HS3ST1: variants seen among roughly 807,000 people sequenced by gnomAD.
The protein encoded by HS3ST1 is heparan sulfate-glucosamine 3-sulfotransferase 1, also known as heparan sulfate glucosamine 3-O-sulfotransferase 1.
A neutral mutation model predicts 20.7 loss-of-function variants in HS3ST1; 8 were observed. The ratio of observed to expected loss-of-function variants is 0.39; its 90% CI spans 0.23 to 0.70. The LOEUF (loss-of-function observed/expected upper bound fraction) is 0.70. Ranked by LOEUF, HS3ST1 falls within the 30% of genes least tolerant of loss-of-function variation. The pLI is 0.46. For synonymous variants in HS3ST1, 205 were observed against 190.4 expected (o/e 1.08, Z -0.63); for missense variants, 436 against 423.4 (o/e 1.03, Z -0.26).
At chr4:11,425,646 T>G (rs950633327) in intron 1 of HS3ST1, among the ~76,000 whole-genome samples, 1 of 152,226 alleles carries the variant, frequency 6.6e-6, no homozygotes, top group Non-Finnish European at 1.5e-5. Flanking sequence ...AAAATGAACA[T>G]TAAAATAGAT....
At chr4:11,426,492 G>A (rs1238169806) in intron 1 of HS3ST1, among the ~76,000 whole-genome samples, 1 of 152,168 alleles carries the variant, frequency 6.6e-6, no homozygotes, top group Middle Eastern at 3.4e-3. Context: ...CATAACCACA[G>A]GAAAGTAAAG....
chr4:11,431,467 T>C (rs765338355), upstream of HS3ST1, among the ~76,000 whole-genome samples: 3 of 152,204 alleles, frequency 2.0e-5, no homozygotes, highest in Non-Finnish European at 2.9e-5. Context: ...ACTGCTAATA[T>C]TTTAAGATCT....
upstream of HS3ST1, chr4:11,429,817 A>T (rs1719169993): frequency 6.6e-6 from 1 of 151,758 alleles, no homozygotes; most frequent in African/African-American, 2.4e-5. Context: ...TAAGGTTTTG[A>T]GGGGCGTGGG....
At position 11,414,146 on chromosome 4, in the gene HS3ST1, G is replaced by A. The variant is rs775831472; in HGVS notation, c.-108-14033C>T. The A allele has an allele frequency of 3.9e-5, 6 of 152,162 alleles. 1 individual carries two copies. Among genetic ancestry groups the A allele is most frequent in the South Asian group, 2.1e-4 (1 of 4,820 alleles). 9.4% of individuals were successfully genotyped at this position (152,162 alleles called of 1,614,324 possible). On this transcript the variant is annotated intron_variant, in intron 1 of 1. Transcript: ENST00000002596. ...TTCTGCAGTCAGGCACTTGCAGGGCGGTATAGCTGCAGGCAAGAGAGCCTT... is the reference window on the plus strand; with the variant it reads ...TTCTGCAGTCAGGCACTTGCAGGGCAGTATAGCTGCAGGCAAGAGAGCCTT...
intron 1 of HS3ST1, among the ~76,000 whole-genome samples, 174 bp from the exon 2 acceptor site, chr4:11,400,287 A>G (rs1259295269): frequency 6.6e-6 from 1 of 152,144 alleles, no homozygotes; most frequent in East Asian, 1.9e-4. Flanking sequence ...GAGAATAAGT[A>G]TTTTAGGCTT....
In HS3ST1 at chr4:11,426,363, G is replaced by C. The variant is rs541089806; in HGVS notation, c.-109+2336C>G. On this transcript the variant is annotated intron_variant, in intron 1 of 1. Transcript: ENST00000002596. Reference sequence around the variant, plus strand: ...TTCCATGTGGCTTTTCCCTTCAGAGGCCCCCCCCCCAACCCTCACAAGATT... The same window carrying C: ...TTCCATGTGGCTTTTCCCTTCAGAGCCCCCCCCCCCAACCCTCACAAGATT... 3.7e-3 allele frequency among the ~76,000 whole-genome samples: 536 copies of C among 146,058 alleles called. 2 individuals are homozygous for C. Among genetic ancestry groups the C allele is most frequent in the African/African-American group, 5.4e-3 (210 of 39,242 alleles).
rs1718100791 is a variant in HS3ST1 at position 11,395,081 on chromosome 4, C to G, written c.*4001G>C. The stretch of plus-strand genomic sequence containing the variant: ...CTCTTGCCTACCTCTACCCTCTACC[C>G]CCAGCCTCTCCCCGTGACCACTGTC... On this transcript the variant is annotated 3_prime_UTR_variant, in exon 2 of 2. Transcript: ENST00000002596. The G allele has an allele frequency of 6.6e-6, 1 of 152,222 alleles. No homozygotes were observed. The highest frequency in any genetic ancestry group is 2.4e-5 in the African/African-American group (1 of 41,424). The allele number at this position is 152,222 out of a possible 1,614,324, so 9.4% of individuals were successfully genotyped here.
At position 11,400,057 on chromosome 4, in the gene HS3ST1, G is replaced by A. The variant is rs542845413; in HGVS notation, c.-52C>T. 298 of 1,439,148 alleles carry A rather than the reference G, an allele frequency of 2.1e-4. No homozygotes were observed. Among genetic ancestry groups the A allele is most frequent in the Admixed American group, 1.2e-3 (43 of 36,148 alleles). 89.1% of individuals were successfully genotyped at this position (1,439,148 alleles called of 1,614,324 possible). On this transcript the variant is annotated 5_prime_UTR_variant, in exon 2 of 2. Coordinates refer to ENST00000002596, the MANE Select transcript of HS3ST1 (RefSeq NM_005114.4). ...GCCGCGCGCCGCTGGGTCATGAAGTGCCGCAGCAGGGAAGCCTCCTAGTCA... is the reference window on the plus strand; with the variant it reads ...GCCGCGCGCCGCTGGGTCATGAAGTACCGCAGCAGGGAAGCCTCCTAGTCA...
upstream of HS3ST1, among the ~76,000 whole-genome samples, chr4:11,431,438 T>G (rs1373738410): frequency 6.6e-6 from 1 of 152,138 alleles, no homozygotes; most frequent in Non-Finnish European, 1.5e-5. Flanking sequence ...ATGAGAGGGT[T>G]TTAGTGGAAG....
chr4:11,406,246 T>C (rs777692261), intron 1 of HS3ST1, among the ~76,000 whole-genome samples: 6 of 152,230 alleles, frequency 3.9e-5, no homozygotes, highest in Non-Finnish European at 8.8e-5. Context: ...TTTTATTTTA[T>C]ATTTTTAAGC....
chr4:11,423,970 C>T (rs11943833), intron 1 of HS3ST1, among the ~76,000 whole-genome samples: 1,708 of 148,300 alleles, frequency 0.012, 35 homozygotes, highest in African/African-American at 0.04. Context: ...TTAGGAATAT[C>T]GAATTAGCTG....
At chr4:11,433,773 G>A (rs911898008), upstream of HS3ST1, among the ~76,000 whole-genome samples, 3 of 152,232 alleles carry the variant, frequency 2.0e-5, no homozygotes, top group Non-Finnish European at 4.4e-5. Context: ...AGGTACATGG[G>A]TAGAGATTTA....
intron 1 of HS3ST1, among the ~76,000 whole-genome samples, chr4:11,402,670 CT>C (rs1718355909): frequency 6.6e-6 from 1 of 152,208 alleles, no homozygotes; most frequent in East Asian, 1.9e-4. Flanking sequence ...GTGTTGGTCA[CT>C]GCTATCACCA....
At chr4:11,433,758 G>C (rs1257403951), upstream of HS3ST1, among the ~76,000 whole-genome samples, 1 of 152,182 alleles carries the variant, frequency 6.6e-6, no homozygotes, top group African/African-American at 2.4e-5. Flanking sequence ...AGCAGCCTGT[G>C]TGCTAGGTAC....
At chr4:11,413,421 A>C (rs1332155856) in intron 1 of HS3ST1, among the ~76,000 whole-genome samples, 3 of 152,092 alleles carry the variant, frequency 2.0e-5, no homozygotes, top group Admixed American at 1.3e-4. Flanking sequence ...GAACTGCCAC[A>C]GGGGTCTAGT....
intron 1 of HS3ST1, among the ~76,000 whole-genome samples, chr4:11,404,043 C>T (rs1209978545): frequency 6.6e-6 from 1 of 152,092 alleles, no homozygotes; most frequent in Non-Finnish European, 1.5e-5. Flanking sequence ...CCTATAATCA[C>T]TATATAATTT....
chr4:11,431,997 A>C (rs1189434445), upstream of HS3ST1, among the ~76,000 whole-genome samples: 1 of 152,196 alleles, frequency 6.6e-6, no homozygotes, highest in African/African-American at 2.4e-5. Context: ...CTATTTTATA[A>C]TTGAGGGATT....
intron 1 of HS3ST1, among the ~76,000 whole-genome samples, chr4:11,419,940 A>G (rs567949056): frequency 4.9e-4 from 74 of 152,328 alleles, no homozygotes; most frequent in Admixed American, 1.1e-3. Flanking sequence ...AATTAAGCCT[A>G]TTTTGTGGAG....
At chr4:11,431,022 T>C (rs1475401613), upstream of HS3ST1, among the ~76,000 whole-genome samples, 2 of 152,176 alleles carry the variant, frequency 1.3e-5, no homozygotes, top group African/African-American at 4.8e-5. Flanking sequence ...ATGAGTTAGG[T>C]TTCTTATCCA....
Sources: gnomAD v4.1 joint callset for allele counts (sites outside exome capture counted in the v4.1 genomes callset) on GRCh38, gnomAD v4.1.1 for gene constraint, MANE v1.5 for transcripts, NCBI Gene and HGNC (gene_info 2026-07-23, HGNC 2026-07-21) for gene names.